The following UNC5D variants were observed in gnomAD, a reference collection of about 807,000 sequenced individuals.
UNC5D encodes netrin receptor UNC5D.
A neutral mutation model predicts 105.4 loss-of-function variants in UNC5D; 39 were observed. That is an observed-to-expected ratio of 0.37 (90% CI 0.29 to 0.48). UNC5D has a LOEUF of 0.48. UNC5D is among the 20% of genes least tolerant of loss of function. The pLI, the probability that UNC5D is intolerant of heterozygous loss-of-function variation, is 0.98. For missense variants in UNC5D, 991 were observed against 1,202.4 expected (o/e 0.82, Z 2.60); for synonymous variants, 452 against 450.4 (o/e 1.00, Z -0.04).
chr8:35,546,789 A>G (rs1432326043), intron 1 of UNC5D, among the ~76,000 whole-genome samples: 2 of 151,622 alleles, frequency 1.3e-5, no homozygotes, highest in South Asian at 2.1e-4. Context: ...CATTTTAAAT[A>G]TAATTAAAAT....
At chr8:35,489,914 G>A (rs1811090547) in intron 1 of UNC5D, among the ~76,000 whole-genome samples, 2 of 152,078 alleles carry the variant, frequency 1.3e-5, no homozygotes, top group Non-Finnish European at 2.9e-5. Flanking sequence ...TTCAACTTTG[G>A]TAGATTTTGT....
chr8:35,665,640 A>AT (rs376152620), intron 4 of UNC5D, among the ~76,000 whole-genome samples: 6,919 of 123,990 alleles, frequency 0.056, 280 homozygotes, highest in African/African-American at 0.098. Flanking sequence ...AGAAGGTGCC[A>AT]TTTTTTTTTT....
intron 4 of UNC5D, among the ~76,000 whole-genome samples, chr8:35,655,025 A>T (rs1823644303): frequency 6.6e-6 from 1 of 152,212 alleles, no homozygotes; most frequent in South Asian, 2.1e-4. Flanking sequence ...AACAGAAATA[A>T]GTGGCCTTGG....
chr8:35,651,475 T>A (rs1289559427), intron 4 of UNC5D, among the ~76,000 whole-genome samples: 1 of 152,242 alleles, frequency 6.6e-6, no homozygotes, highest in African/African-American at 2.4e-5. Flanking sequence ...GGATTCTGAA[T>A]GGGTGGCCTG....
chr8:35,613,222 G>A (rs1563592341), intron 4 of UNC5D, among the ~76,000 whole-genome samples: 1 of 152,164 alleles, frequency 6.6e-6, no homozygotes, highest in Non-Finnish European at 1.5e-5. Context: ...GGACCACTAC[G>A]CGCCATCATG....
intron 1 of UNC5D, among the ~76,000 whole-genome samples, chr8:35,369,293 G>A (rs2128923852): frequency 6.6e-6 from 1 of 152,212 alleles, no homozygotes; most frequent in African/African-American, 2.4e-5. Flanking sequence ...TCACCATCTA[G>A]AATTGAACTA....
chr8:35,587,815 G>A (rs1413312750), intron 3 of UNC5D, among the ~76,000 whole-genome samples: 4 of 151,616 alleles, frequency 2.6e-5, no homozygotes, highest in Non-Finnish European at 5.9e-5. Context: ...GTGATTTTTG[G>A]TGGCTATGAA....
chr8:35,677,004 A>G (rs1450699817), intron 4 of UNC5D, among the ~76,000 whole-genome samples: 6 of 152,164 alleles, frequency 3.9e-5, no homozygotes, highest in Non-Finnish European at 7.3e-5. Flanking sequence ...CTTTTCATGA[A>G]AAATATAAGA....
At chr8:35,349,276 A>AT (rs1447713475) in intron 1 of UNC5D, among the ~76,000 whole-genome samples, 1 of 152,014 alleles carries the variant, frequency 6.6e-6, no homozygotes, top group Non-Finnish European at 1.5e-5. Context: ...CTGAAACCAT[A>AT]TTAAAGAATT....
At chr8:35,760,703 G>A (rs1232249022) in intron 14 of UNC5D, among the ~76,000 whole-genome samples, 2 of 152,028 alleles carry the variant, frequency 1.3e-5, no homozygotes, top group African/African-American at 2.4e-5. Context: ...ATGCTTTCAG[G>A]CTTCTTTGTT....
intron 15 of UNC5D, among the ~76,000 whole-genome samples, chr8:35,768,001 AAT>A (rs1219307587): frequency 6.7e-6 from 1 of 150,354 alleles, no homozygotes; most frequent in East Asian, 1.9e-4. Context: ...TTATAAAATA[AAT>A]ATATATATAC....
intron 14 of UNC5D, among the ~76,000 whole-genome samples, chr8:35,763,613 C>G (rs963007917): frequency 6.6e-6 from 1 of 152,024 alleles, no homozygotes; most frequent in African/African-American, 2.4e-5. Context: ...TTTTAGGAAA[C>G]AAAAGCCTCC....
Position 35,386,965 on chromosome 8 carries a change from A to G in UNC5D, c.103+151078A>G, listed in dbSNP as rs138218033. On this transcript the variant is annotated intron_variant, in intron 1 of 16. Transcript: ENST00000404895. ...TGAGAAGTGACTTATGTTCGTGAAT[A>G]ATGGAATGTGATTTTTGCAGTTTGC... Among the ~76,000 whole-genome samples the G allele has an allele frequency of 6.9e-3, 1,044 of 152,072 alleles. 8 individuals are homozygous for G. Among genetic ancestry groups the G allele is most frequent in the African/African-American group, 0.023 (956 of 41,468 alleles).
In UNC5D at chr8:35,507,049, C is replaced by CTTT. The variant is rs71215631; in HGVS notation, c.104-42221_104-42219dup. ...TTTGCAGGCCTCCATCAGGGCTTTT[C>CTTT]TTTTTTTTTTTTTTTTTTTTTTTTG... On this transcript the variant is annotated intron_variant, in intron 1 of 16. Coordinates refer to ENST00000404895, the MANE Select transcript of UNC5D (RefSeq NM_080872.4). Among the ~76,000 whole-genome samples, 756 of 76,138 alleles carry CTTT rather than the reference C, an allele frequency of 9.9e-3. 9 individuals carry two copies. Among genetic ancestry groups the CTTT allele is most frequent in the East Asian group, 0.013 (34 of 2,574 alleles). 49.9% of individuals were successfully genotyped at this position (76,138 alleles called of 152,430 possible). A position where few individuals can be genotyped will look rare whatever the true frequency, so the allele number is the denominator to read the frequency against.
In UNC5D at chr8:35,795,723, C is replaced by T. The variant is rs1358357191; in HGVS notation, c.*5160C>T. ...TATGGCTAGATTATGTAGGTCACTACCATTCAAAACTTTTCTATACAAAGG... is the reference window on the plus strand; with the variant it reads ...TATGGCTAGATTATGTAGGTCACTATCATTCAAAACTTTTCTATACAAAGG... On this transcript the variant is annotated 3_prime_UTR_variant, in exon 17 of 17. Transcript: ENST00000404895. 1 of 152,174 alleles carries T rather than the reference C, an allele frequency of 6.6e-6. No individual in the cohort carries two copies. Among genetic ancestry groups the T allele is most frequent in the Non-Finnish European group, 1.5e-5 (1 of 68,034 alleles). The allele number at this position is 152,174 out of a possible 1,614,324, so 9.4% of individuals were successfully genotyped here.
intron 11 of UNC5D, among the ~76,000 whole-genome samples, chr8:35,734,336 A>C (rs1038762096): frequency 3.6e-5 from 3 of 82,428 alleles, no homozygotes; most frequent in African/African-American, 8.7e-5. Context: ...AATCACTGTC[A>C]AAAAAAAAAA....
rs76964608 is a variant in UNC5D, at chr8:35,723,212, C to T, written c.1303+817C>T. Among the ~76,000 whole-genome samples, 397 of 152,218 alleles carry T rather than the reference C, an allele frequency of 2.6e-3. 3 individuals are homozygous for T. Among genetic ancestry groups the T allele is most frequent in the Non-Finnish European group, 4.4e-3 (300 of 68,014 alleles). On this transcript the variant is annotated intron_variant, in intron 9 of 16. Coordinates refer to ENST00000404895, the MANE Select transcript of UNC5D (RefSeq NM_080872.4). Reference sequence around the variant, plus strand: ...GCCTACAGCGCGGAACCAGAAGTCTCAGTGCAAGGCAGTGATTGAGTAGAC... The same window carrying T: ...GCCTACAGCGCGGAACCAGAAGTCTTAGTGCAAGGCAGTGATTGAGTAGAC...
chr8:35,253,841 GCTT>G (rs1317753071), intron 1 of UNC5D, among the ~76,000 whole-genome samples: 2 of 152,090 alleles, frequency 1.3e-5, no homozygotes, highest in African/African-American at 2.4e-5. Flanking sequence ...ATAGTGAGGA[GCTT>G]CTTCTTTCTC....
chr8:35,538,394 ATT>A lies in UNC5D; in HGVS notation c.104-10897_104-10896del, dbSNP rs1491538439. On this transcript the variant is annotated intron_variant, in intron 1 of 16. Transcript: ENST00000404895. The stretch of plus-strand genomic sequence containing the variant: ...GTCAGTCGTGATTTAAAAAAAAATA[ATT>A]ATATATATATATATATATATATATA... Among the ~76,000 whole-genome samples, 256 of 87,552 alleles carry A rather than the reference ATT, an allele frequency of 2.9e-3. 1 individual carries two copies. Among genetic ancestry groups the A allele is most frequent in the African/African-American group, 9.4e-3 (232 of 24,668 alleles). The allele number at this position is 87,552 out of a possible 152,430, so 57.4% of individuals were successfully genotyped here.
Sources: gnomAD v4.1 joint callset for allele counts (sites outside exome capture counted in the v4.1 genomes callset) on GRCh38, gnomAD v4.1.1 for gene constraint, MANE v1.5 for transcripts, NCBI Gene and HGNC (gene_info 2026-07-23, HGNC 2026-07-21) for gene names.